The following KALRN variants were observed in gnomAD, a reference collection of about 807,000 sequenced individuals.
KALRN encodes kalirin.
Under a neutral mutation model 353.7 loss-of-function variants are expected in KALRN, and 70 were observed. The ratio of observed to expected loss-of-function variants is 0.20; its 90% CI spans 0.16 to 0.24. The LOEUF (loss-of-function observed/expected upper bound fraction) is 0.24. Among genes scored for constraint, KALRN ranks in the 10% least tolerant of loss-of-function variants. The pLI, the probability that KALRN is intolerant of heterozygous loss-of-function variation, is 1.00. For synonymous variants in KALRN, 1,391 were observed against 1,434.8 expected (o/e 0.97, Z 0.69); for missense variants, 2,791 against 3,756.7 (o/e 0.74, Z 6.72).
intron 10 of KALRN, among the ~76,000 whole-genome samples, chr3:124,360,983 C>G (rs891463681): frequency 3.9e-5 from 6 of 152,186 alleles, no homozygotes; most frequent in Non-Finnish European, 1.5e-5. Flanking sequence ...GACAAACATA[C>G]AAGAATAACT....
chr3:124,519,765 G>A (rs2067008388), intron 33 of KALRN: 16 of 985,324 alleles, frequency 1.6e-5, no homozygotes, highest in Non-Finnish European at 1.9e-5. Flanking sequence ...ACTTTAACAC[G>A]GGCATTTGCA....
chr3:124,491,522 T>C, intron 31 of KALRN, 98 bp downstream of exon 31: 1 of 792,816 alleles, frequency 1.3e-6, no homozygotes, highest in Non-Finnish European at 1.9e-6. Context: ...GAGACTCTAC[T>C]GAGCCATGGG....
At position 124,070,327 on chromosome 3, in the gene KALRN, A is replaced by G. The variant is rs372237815; in HGVS notation, c.73+36514A>G. Among the ~76,000 whole-genome samples the G allele has an allele frequency of 5.3e-5, 8 of 152,334 alleles. 1 individual carries two copies. The South Asian group carries it at 1.0e-3, about 20-fold the overall frequency. On this transcript the variant is annotated intron_variant, in intron 1 of 59. Coordinates refer to ENST00000682506, the MANE Select transcript of KALRN (RefSeq NM_001388419.1). ...GTGGTGAGAGGTCCAGGAAGCGTCCACATACATACTTACCAGGTCCTTGCA... is the reference window on the plus strand; with the variant it reads ...GTGGTGAGAGGTCCAGGAAGCGTCCGCATACATACTTACCAGGTCCTTGCA...
At chr3:124,521,169 A>G (rs948030985) in intron 33 of KALRN, among the ~76,000 whole-genome samples, 2 of 151,614 alleles carry the variant, frequency 1.3e-5, no homozygotes, top group African/African-American at 2.4e-5. Flanking sequence ...TGTGTAGAGC[A>G]CAGGCTGATG....
At chr3:124,278,978 T>C (rs2075071036) in intron 5 of KALRN, among the ~76,000 whole-genome samples, 2 of 152,236 alleles carry the variant, frequency 1.3e-5, no homozygotes, top group African/African-American at 4.8e-5. Context: ...TCTACTCCCT[T>C]TCCCACTTGT....
rs776961019 is a variant in KALRN at position 124,496,383 on chromosome 3, G to A, written c.4905G>A (p.Arg1635=). ...SQPDTISIAS[R]TSQNTVDSDK... is the part of the protein sequence containing the mutation. ...CAGACACCATCTCCATTGCTTCTAG[G>A]ACCTCTCAGAACACAGTGGACAGTG... Residue 1635 remains arginine, a synonymous_variant, in exon 33 of 60, where the codon AGG becomes AGA. Coordinates refer to ENST00000682506, the MANE Select transcript of KALRN (RefSeq NM_001388419.1). The A allele has an allele frequency of 1.6e-5, 26 of 1,613,482 alleles. No individual in the cohort carries two copies. In the South Asian group the frequency reaches 2.9e-4, roughly 18 times the overall value.
intron 32 of KALRN, among the ~76,000 whole-genome samples, chr3:124,494,078 G>A (rs1220311702): frequency 1.3e-5 from 2 of 152,208 alleles, no homozygotes; most frequent in Non-Finnish European, 2.9e-5. Context: ...AGGCTGACTA[G>A]GCTTATTTAC....
At chr3:124,387,434 A>T (rs945739391) in intron 11 of KALRN, among the ~76,000 whole-genome samples, 1 of 152,232 alleles carries the variant, frequency 6.6e-6, no homozygotes, top group African/African-American at 2.4e-5. Flanking sequence ...CTCGTTTTTT[A>T]AAATTCCAGT....
chr3:124,650,059 A>T (rs140316163), intron 37 of KALRN, among the ~76,000 whole-genome samples: 162 of 151,962 alleles, frequency 1.1e-3, no homozygotes, highest in Non-Finnish European at 2.1e-3. Context: ...GCCCAACTTG[A>T]CCTTACTCTC....
intron 34 of KALRN, among the ~76,000 whole-genome samples, chr3:124,596,723 C>A (rs2076299609): frequency 6.6e-6 from 1 of 152,080 alleles, no homozygotes; most frequent in Non-Finnish European, 1.5e-5. Context: ...TGTGGTAAAT[C>A]TAGGTAGGTG....
intron 37 of KALRN, among the ~76,000 whole-genome samples, chr3:124,640,560 A>G (rs986368478): frequency 1.3e-5 from 2 of 152,160 alleles, no homozygotes; most frequent in African/African-American, 4.8e-5. Flanking sequence ...CTGGGATTAC[A>G]GTCATGAGCC....
In KALRN at chr3:124,668,755, G is replaced by A. The variant is rs143071982; in HGVS notation, c.6703+1572G>A. ...AACACCAGCCCAGCCCTGAGGGATG[G>A]TAATGAAAGTTTTATATGGCTTATG... On this transcript the variant is annotated intron_variant, in intron 47 of 59. Transcript: ENST00000682506. Among the ~76,000 whole-genome samples the A allele has an allele frequency of 1.4e-3, 208 of 152,270 alleles. 3 individuals carry two copies. The highest frequency in any genetic ancestry group is 4.7e-3 in the African/African-American group (197 of 41,560).
chr3:124,295,173 T>C (rs1373608), intron 5 of KALRN, among the ~76,000 whole-genome samples: 80,178 of 151,858 alleles, frequency 0.53, 21,722 homozygotes, highest in East Asian at 0.67. Flanking sequence ...CTAGAGAAGA[T>C]TTGTGATTGT....
chr3:124,098,571 G>A (rs2061612454), intron 1 of KALRN, among the ~76,000 whole-genome samples: 2 of 152,018 alleles, frequency 1.3e-5, no homozygotes, highest in South Asian at 4.1e-4. Flanking sequence ...CCATTCCCTG[G>A]CATTTCTCTA....
intron 1 of KALRN, among the ~76,000 whole-genome samples, chr3:124,081,018 G>T (rs1559915824): frequency 1.3e-5 from 2 of 152,130 alleles, no homozygotes; most frequent in Non-Finnish European, 2.9e-5. Flanking sequence ...GGTCCATGCA[G>T]TTTATCTACA....
chr3:124,503,233 G>A (rs1403074539), intron 33 of KALRN, among the ~76,000 whole-genome samples: 1 of 152,264 alleles, frequency 6.6e-6, no homozygotes, highest in East Asian at 1.9e-4. Context: ...TGCACTTCCT[G>A]TTACCAGGGC....
chr3:124,082,293 G>A (rs1013918321), intron 1 of KALRN: 10 of 471,032 alleles, frequency 2.1e-5, no homozygotes, highest in Admixed American at 2.1e-4. Flanking sequence ...TATCTTTGAT[G>A]TAATCTCCAA....
At chr3:124,563,190 C>T (rs2072274096) in intron 34 of KALRN, 101 bp downstream of exon 34, 1 of 1,212,414 alleles carries the variant, frequency 8.2e-7, no homozygotes. Flanking sequence ...TCTCACAGAC[C>T]CATTTTTACC....
chr3:124,125,135 T>A (rs1290933716), intron 1 of KALRN, among the ~76,000 whole-genome samples: 3 of 152,174 alleles, frequency 2.0e-5, no homozygotes, highest in African/African-American at 7.2e-5. Flanking sequence ...AGAAATAGGA[T>A]GATTTACAAT....
Sources: allele counts gnomAD v4.1 joint callset (sites outside exome capture counted in the v4.1 genomes callset), GRCh38; gene constraint gnomAD v4.1.1; transcripts MANE v1.5; gene names NCBI Gene and HGNC (gene_info 2026-07-23, HGNC 2026-07-21).